CADPS: variants seen among roughly 807,000 people sequenced by gnomAD.
CADPS encodes the protein calcium dependent secretion activator.
CADPS carries 57 observed loss-of-function variants against 167.3 expected under a neutral mutation model. That is an observed-to-expected ratio of 0.34 (90% CI 0.28 to 0.42). CADPS has a LOEUF of 0.42. CADPS is among the 20% of genes least tolerant of loss of function. The pLI, the probability that CADPS is intolerant of heterozygous loss-of-function variation, is 1.00. For missense variants in CADPS, 1,414 were observed against 1,738.1 expected (o/e 0.81, Z 3.32); for synonymous variants, 676 against 635.3 (o/e 1.06, Z -0.96).
At chr3:62,804,050 T>G (rs909565697) in intron 1 of CADPS, among the ~76,000 whole-genome samples, 6 of 152,236 alleles carry the variant, frequency 3.9e-5, no homozygotes, top group Non-Finnish European at 8.8e-5. Flanking sequence ...ACTCTGATTT[T>G]ATTTTCTCTG....
At chr3:62,669,751 G>T (rs2075175763) in intron 3 of CADPS, among the ~76,000 whole-genome samples, 1 of 152,094 alleles carries the variant, frequency 6.6e-6, no homozygotes, top group Non-Finnish European at 1.5e-5. Context: ...TACCTCATAG[G>T]ATCGATAAGA....
At chr3:62,522,239 C>T (rs756928882) in intron 13 of CADPS, among the ~76,000 whole-genome samples, 19 of 152,094 alleles carry the variant, frequency 1.2e-4, no homozygotes, top group Admixed American at 7.2e-4. Flanking sequence ...CAAGCTCAAG[C>T]GATCCTCCTA....
chr3:62,803,530 C>T (rs1276920603), intron 1 of CADPS, among the ~76,000 whole-genome samples: 1 of 151,770 alleles, frequency 6.6e-6, no homozygotes, highest in Non-Finnish European at 1.5e-5. Context: ...ACGTGATGGC[C>T]CTTGCCCCAC....
intron 7 of CADPS, among the ~76,000 whole-genome samples, chr3:62,590,191 G>GA (rs3074310): frequency 0.31 from 44,273 of 141,166 alleles, 7,312 homozygotes; most frequent in African/African-American, 0.45. Context: ...TCCAGCTAAA[G>GA]AAAAAAAAAA....
At chr3:62,573,122 T>C (rs2081587732) in intron 8 of CADPS, among the ~76,000 whole-genome samples, 1 of 152,206 alleles carries the variant, frequency 6.6e-6, no homozygotes, top group Admixed American at 6.5e-5. Context: ...CCTCAGGTGA[T>C]CTGGCTGCCT....
intron 6 of CADPS, among the ~76,000 whole-genome samples, chr3:62,599,854 T>TATATATATA (rs1553969466): frequency 0.013 from 38 of 3,040 alleles, no homozygotes; most frequent in African/African-American, 0.017. Context: ...ATATATATAA[T>TATATATATA]ATATATAATA....
chr3:62,703,016 C>T (rs564144313), intron 3 of CADPS, among the ~76,000 whole-genome samples: 1 of 152,104 alleles, frequency 6.6e-6, no homozygotes, highest in African/African-American at 2.4e-5. Flanking sequence ...GCTGAGATAT[C>T]CTGGTGCCGG....
intron 3 of CADPS, among the ~76,000 whole-genome samples, chr3:62,710,408 A>AG (rs1452795140): frequency 2.0e-5 from 3 of 152,140 alleles, no homozygotes; most frequent in Non-Finnish European, 4.4e-5. Flanking sequence ...TAATTAAAAA[A>AG]AAAATCTGAG....
chr3:62,561,140 G>T (rs79707732), intron 9 of CADPS, among the ~76,000 whole-genome samples: 6 of 151,174 alleles, frequency 4.0e-5, no homozygotes, highest in East Asian at 1.9e-4. Context: ...GATAGTGTGT[G>T]GGGGGTGAGG....
At chr3:62,532,792 C>T (rs963379808) in intron 13 of CADPS, 79 bp downstream of exon 13, 2 of 1,335,050 alleles carry the variant, frequency 1.5e-6, no homozygotes, top group African/African-American at 1.4e-5. Flanking sequence ...CAGGCAGATC[C>T]TAAAAGCAAG....
chr3:62,772,048 T>C (rs961232189), intron 1 of CADPS, among the ~76,000 whole-genome samples: 1 of 152,184 alleles, frequency 6.6e-6, no homozygotes, highest in African/African-American at 2.4e-5. Context: ...TACAGAGTCT[T>C]TGTGAAAACT....
intron 6 of CADPS, among the ~76,000 whole-genome samples, chr3:62,643,209 C>A (rs2150012962): frequency 6.6e-6 from 1 of 152,310 alleles, no homozygotes; most frequent in Admixed American, 6.5e-5. Flanking sequence ...ATGGCAAATA[C>A]AGGGCACTTG....
intron 6 of CADPS, among the ~76,000 whole-genome samples, chr3:62,603,033 T>C (rs945477311): frequency 4.6e-5 from 7 of 152,170 alleles, no homozygotes; most frequent in African/African-American, 1.7e-4. Flanking sequence ...AATATTTAAA[T>C]AGGGTGGAAC....
intron 1 of CADPS, among the ~76,000 whole-genome samples, chr3:62,870,256 A>AT (rs1018325541): frequency 4.6e-5 from 7 of 151,638 alleles, no homozygotes; most frequent in South Asian, 2.1e-4. Flanking sequence ...AAAAGGTAGA[A>AT]TTTTTTTTTA....
chr3:62,807,968 G>C (rs2094189470), intron 1 of CADPS, among the ~76,000 whole-genome samples: 2 of 151,894 alleles, frequency 1.3e-5, no homozygotes, highest in South Asian at 4.2e-4. Flanking sequence ...CCACCTCCCG[G>C]GTTCACGCGA....
chr3:62,685,593 T>C (rs2077856557), intron 3 of CADPS, among the ~76,000 whole-genome samples: 1 of 148,478 alleles, frequency 6.7e-6, no homozygotes, highest in African/African-American at 2.5e-5. Flanking sequence ...TACAGCTAGA[T>C]AGGAGAAATA....
At chr3:62,608,495 G>A (rs2061013879) in intron 6 of CADPS, among the ~76,000 whole-genome samples, 1 of 151,860 alleles carries the variant, frequency 6.6e-6, no homozygotes, top group African/African-American at 2.4e-5. Flanking sequence ...GTTGCCCAGG[G>A]TGCAAACTCC....
chr3:62,469,062 T>C (rs1298873730), intron 24 of CADPS, among the ~76,000 whole-genome samples: 1 of 152,226 alleles, frequency 6.6e-6, no homozygotes, highest in Non-Finnish European at 1.5e-5. Flanking sequence ...TAAACTCACC[T>C]AAAATCTCTA....
At chr3:62,408,479 C>A (rs769201547) in intron 28 of CADPS, among the ~76,000 whole-genome samples, 11 of 152,290 alleles carry the variant, frequency 7.2e-5, no homozygotes, top group Admixed American at 1.3e-4. Flanking sequence ...ACTTTACCCC[C>A]TGGAAGGGAT....
Sources: allele counts gnomAD v4.1 joint callset (sites outside exome capture counted in the v4.1 genomes callset), GRCh38; gene constraint gnomAD v4.1.1; transcripts MANE v1.5; gene names NCBI Gene and HGNC (gene_info 2026-07-23, HGNC 2026-07-21).